Variants in TTC28 observed in about 807,000 individuals in gnomAD.
TTC28 encodes tetratricopeptide repeat domain 28.
TTC28 carries 61 observed loss-of-function variants against 198.0 expected under a neutral mutation model. That is an observed-to-expected ratio of 0.31 (90% CI 0.25 to 0.38). The LOEUF (loss-of-function observed/expected upper bound fraction) is 0.38. Ranked by LOEUF, TTC28 falls within the 10% of genes least tolerant of loss-of-function variation. The pLI is 1.00. For missense variants in TTC28, 2,678 were observed against 3,164.0 expected, an observed-to-expected ratio of 0.85 and a Z score of 3.69; for synonymous variants, 1,171 against 1,297.8, an observed-to-expected ratio of 0.90 and a Z score of 2.10.
At chr22:28,168,753 T>C (rs912611958) in intron 5 of TTC28, among the ~76,000 whole-genome samples, 12 of 152,210 alleles carry the variant, frequency 7.9e-5, no homozygotes, top group Non-Finnish European at 1.6e-4. Flanking sequence ...ATTCAGGACA[T>C]AGGCATGGCC....
intron 2 of TTC28, among the ~76,000 whole-genome samples, chr22:28,411,568 G>C (rs2047081809): frequency 6.6e-6 from 1 of 152,138 alleles, no homozygotes; most frequent in African/African-American, 2.4e-5. Context: ...AACTAAATGA[G>C]AACTACATCC....
chr22:28,314,811 C>T (rs900989420), intron 2 of TTC28, among the ~76,000 whole-genome samples: 3 of 151,926 alleles, frequency 2.0e-5, no homozygotes, highest in South Asian at 4.2e-4. Flanking sequence ...AGTTCAAAGC[C>T]GTAGTGAGCT....
chr22:28,379,453 G>C (rs1445201536), intron 2 of TTC28, among the ~76,000 whole-genome samples: 1 of 152,060 alleles, frequency 6.6e-6, no homozygotes, highest in Non-Finnish European at 1.5e-5. Flanking sequence ...TCAAAAGAAA[G>C]GAAAATATGG....
chr22:28,551,634 T>A (rs2049673533), intron 2 of TTC28, among the ~76,000 whole-genome samples: 1 of 152,202 alleles, frequency 6.6e-6, no homozygotes, highest in Admixed American at 6.5e-5. Flanking sequence ...AATCACATGA[T>A]CATCTCAATA....
intron 5 of TTC28, among the ~76,000 whole-genome samples, chr22:28,269,495 T>C (rs1931909079): frequency 6.6e-6 from 1 of 152,168 alleles, no homozygotes; most frequent in South Asian, 2.1e-4. Flanking sequence ...GAAATGAGTT[T>C]TTGACACCCA....
intron 2 of TTC28, among the ~76,000 whole-genome samples, chr22:28,326,177 T>C (rs2045526881): frequency 6.6e-6 from 1 of 152,246 alleles, no homozygotes; most frequent in Admixed American, 6.5e-5. Flanking sequence ...TATTGATGCA[T>C]GTAATATGGG....
At chr22:28,439,019 C>T (rs750462458) in intron 2 of TTC28, among the ~76,000 whole-genome samples, 7 of 152,186 alleles carry the variant, frequency 4.6e-5, no homozygotes, top group South Asian at 2.1e-4. Context: ...CAATCCACTA[C>T]AGTCTGCATC....
chr22:28,246,097 T>C (rs1302146352), intron 5 of TTC28, among the ~76,000 whole-genome samples: 1 of 152,192 alleles, frequency 6.6e-6, no homozygotes, highest in Non-Finnish European at 1.5e-5. Flanking sequence ...AAACTTCATC[T>C]TTAAGAGCCC....
intron 2 of TTC28, among the ~76,000 whole-genome samples, chr22:28,324,173 T>G (rs2045489156): frequency 6.6e-6 from 1 of 152,080 alleles, no homozygotes; most frequent in Non-Finnish European, 1.5e-5. Flanking sequence ...TCATTTGGGC[T>G]GAGTGGGGTG....
chr22:28,312,758 A>G (rs979859630), intron 2 of TTC28, among the ~76,000 whole-genome samples: 3 of 152,220 alleles, frequency 2.0e-5, no homozygotes, highest in Non-Finnish European at 2.9e-5. Flanking sequence ...AAGAGAAAGC[A>G]GGAGAGATCT....
intron 12 of TTC28, among the ~76,000 whole-genome samples, chr22:28,091,099 A>G (rs1287090060): frequency 6.6e-6 from 1 of 152,216 alleles, no homozygotes; most frequent in East Asian, 1.9e-4. Context: ...AACACAAGCA[A>G]GTTGCAGTCT....
chr22:28,083,130 A>C (rs923091104), intron 12 of TTC28, among the ~76,000 whole-genome samples: 4 of 151,888 alleles, frequency 2.6e-5, no homozygotes, highest in Non-Finnish European at 5.9e-5. Context: ...ACCTGGATAA[A>C]GATTAAAGTA....
At chr22:28,593,218 T>C (rs1159574772) in intron 2 of TTC28, among the ~76,000 whole-genome samples, 1 of 152,162 alleles carries the variant, frequency 6.6e-6, no homozygotes, top group African/African-American at 2.4e-5. Flanking sequence ...AGTGTTCGTG[T>C]TCGGTGGTCT....
chr22:28,433,946 C>T (rs1214247243), intron 2 of TTC28, among the ~76,000 whole-genome samples: 5 of 152,168 alleles, frequency 3.3e-5, no homozygotes, highest in African/African-American at 9.7e-5. Flanking sequence ...GTCATCAATA[C>T]CACAATAAAT....
chr22:28,005,942 A>G lies in TTC28; in HGVS notation c.4219-4389T>C, dbSNP rs574328750. Among the ~76,000 whole-genome samples the G allele has an allele frequency of 6.6e-6, 1 of 152,258 alleles. No individual in the cohort carries two copies. Among genetic ancestry groups the G allele is most frequent in the South Asian group, 2.1e-4 (1 of 4,830 alleles). On this transcript the variant is annotated intron_variant, in intron 14 of 22. Transcript: ENST00000397906. This position sits in a 1 kb window ranked among gnomAD's most constrained non-coding sequence, Gnocchi z 4.9. ...CACAGCTTCCCTATATCTTACAGTT[A>G]TTTGCCTATCATGGGTAATAGTTCT...
At chr22:27,993,183 AG>A (rs1409568396) in intron 18 of TTC28, 103 bp downstream of exon 18, 16 of 1,071,546 alleles carry the variant, frequency 1.5e-5, no homozygotes, top group African/African-American at 3.2e-5. Flanking sequence ...TCCTGCTCCT[AG>A]CTGGGAGATC....
chr22:28,416,312 T>C (rs1036993699), intron 2 of TTC28, among the ~76,000 whole-genome samples: 2 of 152,172 alleles, frequency 1.3e-5, no homozygotes, highest in Non-Finnish European at 2.9e-5. Flanking sequence ...AAACCATGTA[T>C]TAATTAAGAG....
At chr22:28,084,346 G>A (rs34625726) in intron 12 of TTC28, among the ~76,000 whole-genome samples, 5,828 of 152,214 alleles carry the variant, frequency 0.038, 178 homozygotes, top group South Asian at 0.054. Flanking sequence ...CAGCATTTGC[G>A]GTTCACCAAT....
intron 5 of TTC28, among the ~76,000 whole-genome samples, chr22:28,164,779 C>G (rs1036340191): frequency 6.6e-6 from 1 of 152,134 alleles, no homozygotes; most frequent in Non-Finnish European, 1.5e-5. Flanking sequence ...AACAATGGAA[C>G]AAAGCTGAAT....
Sources: gnomAD v4.1 joint callset for allele counts (sites outside exome capture counted in the v4.1 genomes callset) on GRCh38, gnomAD v4.1.1 for gene constraint, Gnocchi (gnomAD v3.1) non-coding constraint, MANE v1.5 for transcripts, NCBI Gene and HGNC (gene_info 2026-07-23, HGNC 2026-07-21) for gene names.